RIMS1: variants seen among roughly 807,000 people sequenced by gnomAD.
The protein encoded by RIMS1 is regulating synaptic membrane exocytosis 1.
In RIMS1, 83 loss-of-function variants were observed where a neutral mutation model predicts 214.1. That is an observed-to-expected ratio of 0.39 (90% CI 0.32 to 0.47). The LOEUF is 0.47. RIMS1 is among the 20% of genes least tolerant of loss of function. The pLI is 0.99. For synonymous variants in RIMS1, 793 were observed against 786.8 expected, an observed-to-expected ratio of 1.01 and a Z score of -0.13; for missense variants, 2,050 against 2,161.8, an observed-to-expected ratio of 0.95 and a Z score of 1.03.
At chr6:72,099,191 T>C (rs1007985780) in intron 3 of RIMS1, among the ~76,000 whole-genome samples, 3 of 152,228 alleles carry the variant, frequency 2.0e-5, no homozygotes, top group African/African-American at 4.8e-5. Flanking sequence ...CAGTTAATGA[T>C]TGATATATTA....
chr6:72,224,091 G>A (rs765448147), intron 6 of RIMS1, among the ~76,000 whole-genome samples: 7 of 151,966 alleles, frequency 4.6e-5, no homozygotes, highest in Non-Finnish European at 8.8e-5. Context: ...GAGAATCATC[G>A]TCACCATGAT....
chr6:72,192,991 C>T (rs1326360647), intron 6 of RIMS1, among the ~76,000 whole-genome samples: 2 of 152,206 alleles, frequency 1.3e-5, no homozygotes, highest in Non-Finnish European at 2.9e-5. Context: ...AGTTAACACT[C>T]AGTATTAACC....
chr6:72,007,360 C>T (rs994066842), intron 2 of RIMS1, among the ~76,000 whole-genome samples: 25 of 152,128 alleles, frequency 1.6e-4, no homozygotes, highest in African/African-American at 5.1e-4. Context: ...TAGGTAAAAC[C>T]GCAAAGATGG....
At chr6:72,326,110 T>C (rs2096454360) in intron 28 of RIMS1, among the ~76,000 whole-genome samples, 1 of 151,936 alleles carries the variant, frequency 6.6e-6, no homozygotes, top group Non-Finnish European at 1.5e-5. Context: ...GCATTATTAT[T>C]CTTTATACTA....
At chr6:72,258,951 C>G (rs1159864933) in intron 17 of RIMS1, 35 bp from the exon 18 acceptor site, 4 of 1,606,288 alleles carry the variant, frequency 2.5e-6, no homozygotes, top group Admixed American at 3.3e-5. Flanking sequence ...GAAGATGATA[C>G]AATTTGACAC....
intron 33 of RIMS1, among the ~76,000 whole-genome samples, chr6:72,399,999 C>T (rs115328323): frequency 0.018 from 2,811 of 152,244 alleles, 71 homozygotes; most frequent in African/African-American, 0.062. Context: ...TACCCCTTCA[C>T]TAAAAAGACC....
chr6:72,197,045 A>C (rs1364821949), intron 6 of RIMS1, among the ~76,000 whole-genome samples: 1 of 152,096 alleles, frequency 6.6e-6, no homozygotes, highest in Non-Finnish European at 1.5e-5. Context: ...AAATATCAAG[A>C]AGCAATTCAG....
At chr6:71,940,805 A>G (rs1325330910) in intron 1 of RIMS1, among the ~76,000 whole-genome samples, 3 of 152,184 alleles carry the variant, frequency 2.0e-5, no homozygotes, top group African/African-American at 7.2e-5. Context: ...AGTTAGGGGC[A>G]CTATCTTCTG....
In RIMS1 at chr6:71,976,299, T is replaced by G. The variant is rs1314021303; in HGVS notation, c.245+7236T>G. On this transcript the variant is annotated intron_variant, in intron 2 of 33. Coordinates refer to ENST00000521978, the MANE Select transcript of RIMS1 (RefSeq NM_014989.7). ...GTGGTTTTCATTTGTGTTTCCCTAG[T>G]GAATAATGATATTGATGAACTTTTC... 6.6e-5 allele frequency among the ~76,000 whole-genome samples: 10 copies of G among 152,246 alleles called. No homozygotes were observed. The East Asian group carries it at 1.7e-3, about 26-fold the overall frequency.
chr6:72,290,593 A>G (rs1029931975), intron 24 of RIMS1, 86 bp from the exon 25 acceptor site: 4 of 1,154,200 alleles, frequency 3.5e-6, no homozygotes, highest in Non-Finnish European at 4.9e-6. Flanking sequence ...TGTACGAGTA[A>G]CCAGGTTTTC....
At chr6:72,233,333 G>T (rs146235413) in intron 6 of RIMS1, among the ~76,000 whole-genome samples, 5 of 151,636 alleles carry the variant, frequency 3.3e-5, no homozygotes, top group African/African-American at 1.2e-4. Context: ...AGAAGATAAA[G>T]ATCAGATAAT....
chr6:72,125,352 G>A (rs2039289219), intron 4 of RIMS1, among the ~76,000 whole-genome samples: 1 of 152,150 alleles, frequency 6.6e-6, no homozygotes, highest in African/African-American at 2.4e-5. Flanking sequence ...CCTTCCTCTG[G>A]AAGCTTCGTC....
chr6:72,014,621 A>G (rs1812083878), intron 2 of RIMS1, among the ~76,000 whole-genome samples: 1 of 152,160 alleles, frequency 6.6e-6, no homozygotes, highest in African/African-American at 2.4e-5. Flanking sequence ...TTTTTGATGT[A>G]TAAATAGTCA....
intron 4 of RIMS1, among the ~76,000 whole-genome samples, chr6:72,108,763 A>G (rs1190488562): frequency 6.6e-6 from 1 of 151,440 alleles, no homozygotes; most frequent in Non-Finnish European, 1.5e-5. Context: ...GGTTAGTTAC[A>G]TATGTATACA....
intron 4 of RIMS1, among the ~76,000 whole-genome samples, chr6:72,102,448 A>G (rs2033823580): frequency 6.6e-6 from 1 of 152,028 alleles, no homozygotes; most frequent in Non-Finnish European, 1.5e-5. Flanking sequence ...ATCACATATA[A>G]AAAATAATTT....
rs368290723 is a variant in RIMS1 at position 72,348,347 on chromosome 6, T to A, written c.4366+14512T>A. On this transcript the variant is annotated intron_variant, in intron 29 of 33. Coordinates refer to ENST00000521978, the MANE Select transcript of RIMS1 (RefSeq NM_014989.7). ...CGGAGGGATAGCTTTGATTTTGGTATACATGGTGGTCATCCTGGAGTCAAT... is the reference window on the plus strand; with the variant it reads ...CGGAGGGATAGCTTTGATTTTGGTAAACATGGTGGTCATCCTGGAGTCAAT... Among the ~76,000 whole-genome samples the A allele has an allele frequency of 1.6e-3, 237 of 151,984 alleles. 1 individual carries two copies. The highest frequency in any genetic ancestry group is 5.1e-3 in the African/African-American group (213 of 41,520).
chr6:72,250,954 G>T lies in RIMS1; in HGVS notation c.2406G>T (p.Lys802Asn). ...DKSKRRTKTV[K>N]KILEPKWNQT... ...GTAAAAGGAGGACCAAAACAGTAAA[G>T]AAAATACTAGAACCAAAATGGAATC... Residue 802 changes from lysine (K) to asparagine (N), a missense_variant, in exon 14 of 34, where the codon AAG (lysine) becomes AAT (asparagine). Physicochemically the swap from Lys to Asn is moderately conservative, Grantham distance 94. Coordinates refer to ENST00000521978, the MANE Select transcript of RIMS1 (RefSeq NM_014989.7). 1 of 1,536,556 alleles carries T rather than the reference G, an allele frequency of 6.5e-7. No homozygotes were observed. Among genetic ancestry groups the T allele is most frequent in the Non-Finnish European group, 8.8e-7 (1 of 1,141,170 alleles).
chr6:72,129,684 C>T (rs2040142929), intron 4 of RIMS1, among the ~76,000 whole-genome samples: 1 of 151,878 alleles, frequency 6.6e-6, no homozygotes, highest in Non-Finnish European at 1.5e-5. Context: ...AGATGGGACC[C>T]TATGTGATTT....
intron 2 of RIMS1, among the ~76,000 whole-genome samples, chr6:72,044,217 A>G (rs1822311727): frequency 6.6e-6 from 1 of 151,722 alleles, no homozygotes; most frequent in Non-Finnish European, 1.5e-5. Context: ...TTTACCTCAC[A>G]CCGTATATAA....
Sources: gnomAD v4.1 joint callset for allele counts (sites outside exome capture counted in the v4.1 genomes callset) on GRCh38, gnomAD v4.1.1 for gene constraint, MANE v1.5 for transcripts, NCBI Gene and HGNC (gene_info 2026-07-23, HGNC 2026-07-21) for gene names.